HS3ST5: variants seen among roughly 807,000 people sequenced by gnomAD.
HS3ST5 encodes the protein heparan sulfate-glucosamine 3-sulfotransferase 5, also known as heparan sulfate glucosamine 3-O-sulfotransferase 5.
A neutral mutation model predicts 25.4 loss-of-function variants in HS3ST5; 10 were observed. The observed-to-expected ratio is 0.39, with a 90% confidence interval of 0.24 to 0.67. HS3ST5 has a LOEUF of 0.67. HS3ST5 is among the 30% of genes least tolerant of loss of function. The pLI is 0.44. For missense variants in HS3ST5, 324 were observed against 420.7 expected (o/e 0.77, Z 2.01); for synonymous variants, 170 against 162.4 (o/e 1.05, Z -0.36).
rs532390745 is a variant in HS3ST5, at chr6:114,186,084, G to A, written c.-144-17622C>T. Among the ~76,000 whole-genome samples the A allele has an allele frequency of 2.6e-5, 4 of 151,860 alleles. No individual in the cohort carries two copies. In the South Asian group the frequency reaches 8.3e-4, roughly 32 times the overall value. ...AATCACTGGCCATTCCCCCTATCTC[G>A]CTTCCTCTCCTTGGGCCTCCCTATT... On this transcript the variant is annotated intron_variant, in intron 2 of 4. Coordinates refer to ENST00000312719, the MANE Select transcript of HS3ST5 (RefSeq NM_153612.4).
intron 1 of HS3ST5, among the ~76,000 whole-genome samples, chr6:114,254,719 A>G (rs941413680): frequency 7.9e-5 from 12 of 152,186 alleles, no homozygotes; most frequent in Non-Finnish European, 1.6e-4. Flanking sequence ...GGGCAAGAGA[A>G]CATGAGAACC....
In HS3ST5 at chr6:114,241,805, A is replaced by G. The variant is rs74961627; in HGVS notation, c.-338-13027T>C. 3.6e-4 allele frequency among the ~76,000 whole-genome samples: 55 copies of G among 152,326 alleles called. No individual in the cohort carries two copies. In the East Asian group the frequency reaches 9.1e-3, roughly 25 times the overall value. ...AGAATAAGGAGAAGTGATGCTGTAC[A>G]GTGGCATGACAAGATCTAAGAGATG... On this transcript the variant is annotated intron_variant, in intron 1 of 4. Coordinates refer to ENST00000312719, the MANE Select transcript of HS3ST5 (RefSeq NM_153612.4).
At chr6:114,247,977 G>T (rs1332421508) in intron 1 of HS3ST5, among the ~76,000 whole-genome samples, 1 of 151,516 alleles carries the variant, frequency 6.6e-6, no homozygotes, top group Non-Finnish European at 1.5e-5. Flanking sequence ...AGGCAGGTGG[G>T]TCACCTGAGG....
At chr6:114,299,076 C>A (rs1189582332) in intron 1 of HS3ST5, among the ~76,000 whole-genome samples, 1 of 152,162 alleles carries the variant, frequency 6.6e-6, no homozygotes, top group Non-Finnish European at 1.5e-5. Flanking sequence ...CTTTCAAAAG[C>A]AAATGGGAGA....
intron 1 of HS3ST5, among the ~76,000 whole-genome samples, chr6:114,320,405 T>C (rs1190613063): frequency 6.6e-6 from 1 of 152,116 alleles, no homozygotes; most frequent in African/African-American, 2.4e-5. Context: ...ATCTACTCAG[T>C]GTCCACTAGT....
At chr6:114,201,681 T>A (rs1781022088) in intron 2 of HS3ST5, among the ~76,000 whole-genome samples, 1 of 152,172 alleles carries the variant, frequency 6.6e-6, no homozygotes, top group Non-Finnish European at 1.5e-5. Flanking sequence ...AGGCTGCTAA[T>A]AAAGACATAC....
At chr6:114,200,540 T>C (rs538485771) in intron 2 of HS3ST5, among the ~76,000 whole-genome samples, 126 of 152,180 alleles carry the variant, frequency 8.3e-4, no homozygotes, top group Non-Finnish European at 1.5e-3. Context: ...TTCTATACCT[T>C]TGTGGAGGGG....
chr6:114,212,096 T>C (rs968313891), intron 2 of HS3ST5, among the ~76,000 whole-genome samples: 1 of 152,232 alleles, frequency 6.6e-6, no homozygotes, highest in Non-Finnish European at 1.5e-5. Context: ...TTTGTGTTAA[T>C]GGAGTCCCTG....
At position 114,177,757 on chromosome 6, in the gene HS3ST5, T is replaced by C. The variant is rs1314887178; in HGVS notation, c.-144-9295A>G. Among the ~76,000 whole-genome samples the C allele has an allele frequency of 4.6e-5, 7 of 152,324 alleles. No homozygotes were observed. The South Asian group carries it at 1.2e-3, about 27-fold the overall frequency. On this transcript the variant is annotated intron_variant, in intron 2 of 4. Transcript: ENST00000312719. ...TGTTTGTTATTTGAAAGGCTATATTTATTTGGTACTATAAACTTATAAATG... is the reference window on the plus strand; with the variant it reads ...TGTTTGTTATTTGAAAGGCTATATTCATTTGGTACTATAAACTTATAAATG...
intron 2 of HS3ST5, among the ~76,000 whole-genome samples, chr6:114,185,314 A>G (rs1201414854): frequency 6.6e-6 from 1 of 152,300 alleles, no homozygotes; most frequent in Non-Finnish European, 1.5e-5. Context: ...GAATAGAATT[A>G]GTACCCTCAT....
chr6:114,085,171 A>G (rs1221638149), intron 3 of HS3ST5, among the ~76,000 whole-genome samples: 2 of 152,024 alleles, frequency 1.3e-5, no homozygotes, highest in Non-Finnish European at 2.9e-5. Flanking sequence ...GTGGTCTGTC[A>G]TTTTACTCAC....
In HS3ST5 at chr6:114,058,091, G is replaced by T. The variant is rs150843917; in HGVS notation, c.207C>A (p.His69Gln). 1.2e-6 allele frequency: 2 copies of T among 1,614,138 alleles called. No individual in the cohort carries two copies. Among genetic ancestry groups the T allele is most frequent in the Non-Finnish European group, 1.7e-6 (2 of 1,180,014 alleles). The change falls in exon 5 of 5, where the codon CAC becomes CAA. Residue 69 changes from histidine to glutamine, a missense_variant. His to Gln is a conservative substitution (Grantham distance 24). Coordinates refer to ENST00000312719, the MANE Select transcript of HS3ST5 (RefSeq NM_153612.4). ...RALQFKRGLL[H>Q]EFRKGNASKE... ...TGGAAGCGTTGCCCTTCCGGAACTC[G>T]TGCAGCAGGCCACGCTTAAACTGCA...
At chr6:114,304,301 T>C (rs1020908035) in intron 1 of HS3ST5, among the ~76,000 whole-genome samples, 2 of 152,102 alleles carry the variant, frequency 1.3e-5, no homozygotes, top group Non-Finnish European at 2.9e-5. Flanking sequence ...TCAAGCATAC[T>C]AGGCACAAAC....
At chr6:114,155,336 T>C (rs1170278976) in intron 3 of HS3ST5, among the ~76,000 whole-genome samples, 1 of 152,036 alleles carries the variant, frequency 6.6e-6, no homozygotes, top group Admixed American at 6.6e-5. Context: ...AGAAAAAGAA[T>C]AGAGAGTAAA....
chr6:114,130,513 G>A (rs1268935087), intron 3 of HS3ST5, among the ~76,000 whole-genome samples: 1 of 152,220 alleles, frequency 6.6e-6, no homozygotes, highest in Non-Finnish European at 1.5e-5. Context: ...CAAGGCAGGA[G>A]TATTGCTTGA....
At chr6:114,072,286 T>A (rs1345444128) in intron 3 of HS3ST5, among the ~76,000 whole-genome samples, 1 of 149,998 alleles carries the variant, frequency 6.7e-6, no homozygotes, top group African/African-American at 2.4e-5. Context: ...TCTGAATTCC[T>A]TTTAAGAAAG....
intron 2 of HS3ST5, among the ~76,000 whole-genome samples, chr6:114,203,132 A>C (rs1313314588): frequency 6.6e-6 from 1 of 152,258 alleles, no homozygotes; most frequent in African/African-American, 2.4e-5. Context: ...TTAACTTAAA[A>C]GATGTAGGGG....
At chr6:114,211,937 G>T (rs773285114) in intron 2 of HS3ST5, among the ~76,000 whole-genome samples, 17 of 152,210 alleles carry the variant, frequency 1.1e-4, no homozygotes, top group Non-Finnish European at 1.8e-4. Flanking sequence ...GCCCCACATT[G>T]TTCTGCAACA....
intron 1 of HS3ST5, among the ~76,000 whole-genome samples, chr6:114,245,962 T>C (rs1269081362): frequency 6.6e-6 from 1 of 152,174 alleles, no homozygotes; most frequent in Admixed American, 6.5e-5. Context: ...AGGCAAGATG[T>C]TTCAATCAAA....
Sources: allele counts gnomAD v4.1 joint callset (sites outside exome capture counted in the v4.1 genomes callset), GRCh38; gene constraint gnomAD v4.1.1; transcripts MANE v1.5; gene names NCBI Gene and HGNC (gene_info 2026-07-23, HGNC 2026-07-21).